Variants in TRIM36 observed in about 807,000 individuals in gnomAD.
The protein encoded by TRIM36 is tripartite motif containing 36, also known as E3 ubiquitin-protein ligase TRIM36.
A neutral mutation model predicts 72.4 loss-of-function variants in TRIM36; 42 were observed. The ratio of observed to expected loss-of-function variants is 0.58; its 90% confidence interval spans 0.45 to 0.75. TRIM36 has a LOEUF of 0.75. Ranked by LOEUF, TRIM36 falls within the 30% of genes least tolerant of loss-of-function variation. The pLI is 0.00. For missense variants in TRIM36, 913 were observed against 857.1 expected, an observed-to-expected ratio of 1.07 and a Z score of -0.81; for synonymous variants, 315 against 282.8, an observed-to-expected ratio of 1.11 and a Z score of -1.14.
At chr5:115,177,876 G>A (rs531169216) in intron 1 of TRIM36, 2 of 1,613,950 alleles carry the variant, frequency 1.2e-6, no homozygotes, top group East Asian at 2.2e-5. Context: ...CTGAAGCCTA[G>A]TGAAGAGAGA....
intron 1 of TRIM36, among the ~76,000 whole-genome samples, chr5:115,178,070 T>C (rs937119269): frequency 2.0e-5 from 3 of 152,204 alleles, no homozygotes; most frequent in Non-Finnish European, 4.4e-5. Context: ...TTCGTGTTCA[T>C]AGGACATCCA....
chr5:115,156,210 A>G (rs1223867952), intron 2 of TRIM36, among the ~76,000 whole-genome samples: 2 of 152,206 alleles, frequency 1.3e-5, no homozygotes, highest in African/African-American at 2.4e-5. Flanking sequence ...GATAGGTAGA[A>G]TCAATATTGT....
At chr5:115,142,568 T>C (rs557813247) in intron 4 of TRIM36, among the ~76,000 whole-genome samples, 1 of 152,168 alleles carries the variant, frequency 6.6e-6, no homozygotes, top group Admixed American at 6.5e-5. Context: ...CTCTCTGAGT[T>C]TTAATGCTCA....
At chr5:115,140,434 CA>C (rs1753215557) in intron 5 of TRIM36, among the ~76,000 whole-genome samples, 1 of 152,104 alleles carries the variant, frequency 6.6e-6, no homozygotes, top group African/African-American at 2.4e-5. Context: ...ACATAATACA[CA>C]AATGGAAAAA....
At chr5:115,159,587 T>A in intron 2 of TRIM36, 1 of 436,068 alleles carries the variant, frequency 2.3e-6, no homozygotes, top group East Asian at 7.3e-5. Flanking sequence ...ATTATTTAAT[T>A]TAAATCTAAC....
At chr5:115,143,224 A>G (rs1361579502) in intron 4 of TRIM36, among the ~76,000 whole-genome samples, 21 of 19,306 alleles carry the variant, frequency 1.1e-3, no homozygotes, top group African/African-American at 4.3e-3. Context: ...CAGCCAGACA[A>G]AAAAAAAAAA....
intron 2 of TRIM36, chr5:115,159,740 A>G (rs1251941287): frequency 2.3e-6 from 1 of 434,478 alleles, no homozygotes; most frequent in African/African-American, 2.1e-5. Context: ...CTTGTTAACA[A>G]AAGAGAAAGC....
At chr5:115,180,091 C>T (rs1755551039) in exon 1 of TRIM36, 2 of 1,548,444 alleles carry the variant, frequency 1.3e-6, no homozygotes, top group African/African-American at 1.4e-5. Context: ...TCGAATTTGT[C>T]CTTTCTTTTC....
At chr5:115,132,550 GAAAAAAA>G (rs11290682) in intron 8 of TRIM36, among the ~76,000 whole-genome samples, 1 of 110,860 alleles carries the variant, frequency 9.0e-6, no homozygotes, top group African/African-American at 3.8e-5. Context: ...CCTCCAAAAA[GAAAAAAA>G]AAAAAAAAAA....
At chr5:115,144,814 C>T (rs1753489893) in intron 3 of TRIM36, 70 bp from the exon 4 acceptor site, 9 of 1,492,244 alleles carry the variant, frequency 6.0e-6, no homozygotes, top group African/African-American at 1.4e-5. Context: ...TACCAAAATA[C>T]AAAGATTTGC....
intron 2 of TRIM36, among the ~76,000 whole-genome samples, chr5:115,161,387 C>T (rs1202645114): frequency 6.6e-6 from 1 of 152,152 alleles, no homozygotes; most frequent in African/African-American, 2.4e-5. Flanking sequence ...CTACCACCCA[C>T]AGCAGAAACA....
chr5:115,142,401 T>C (rs1454224587), intron 4 of TRIM36, among the ~76,000 whole-genome samples: 1 of 152,184 alleles, frequency 6.6e-6, no homozygotes, highest in African/African-American at 2.4e-5. Flanking sequence ...AGCAATAAGA[T>C]ACATTTGGCC....
intron 8 of TRIM36, among the ~76,000 whole-genome samples, chr5:115,133,223 T>G (rs992784156): frequency 6.6e-6 from 1 of 152,214 alleles, no homozygotes; most frequent in Non-Finnish European, 1.5e-5. Context: ...GACATCATAG[T>G]GAACATCAAC....
At chr5:115,170,038 C>G (rs1311376677), upstream of TRIM36, 1 of 978,306 alleles carries the variant, frequency 1.0e-6, no homozygotes, top group South Asian at 4.6e-5. Context: ...GCTGGTAGGC[C>G]GGGTGTCTGA....
chr5:115,129,863 A>G (rs1752555649), intron 9 of TRIM36, among the ~76,000 whole-genome samples: 1 of 152,168 alleles, frequency 6.6e-6, no homozygotes, highest in Non-Finnish European at 1.5e-5. Context: ...TGCATCAACA[A>G]CGTTTACTAG....
At position 115,153,197 on chromosome 5, in the gene TRIM36, A is replaced by G. The variant is rs112949880; in HGVS notation, c.263-5803T>C. Among the ~76,000 whole-genome samples, 538 of 152,318 alleles carry G rather than the reference A, an allele frequency of 3.5e-3. 3 individuals are homozygous for G. Among genetic ancestry groups the G allele is most frequent in the Non-Finnish European group, 6.0e-3 (406 of 68,026 alleles). The stretch of plus-strand genomic sequence containing the variant: ...TTAAGGTAAAGGGGTGGAAAAAGAC[A>G]TTTCATGTGAATGGACACCAAAAGC... On this transcript the variant is annotated intron_variant, in intron 2 of 9. Coordinates refer to ENST00000513154, the MANE Select transcript of TRIM36 (RefSeq NM_001300759.2).
chr5:115,126,939 G>A, intron 9 of TRIM36, 82 bp from the exon 10 acceptor site: 1 of 1,291,872 alleles, frequency 7.7e-7, no homozygotes, highest in East Asian at 2.4e-5. Flanking sequence ...AATATACATT[G>A]ATGTAAAGTT....
At chr5:115,128,315 G>C (rs112679920) in intron 9 of TRIM36, among the ~76,000 whole-genome samples, 10 of 149,372 alleles carry the variant, frequency 6.7e-5, no homozygotes, top group African/African-American at 2.5e-4. Context: ...GTTGTGGTGA[G>C]CCGAGTTCAT....
intron 1 of TRIM36, among the ~76,000 whole-genome samples, chr5:115,164,244 C>T (rs1754639925): frequency 1.3e-5 from 2 of 152,206 alleles, no homozygotes; most frequent in Non-Finnish European, 2.9e-5. Context: ...TATCTATTTA[C>T]AAGCTGAATT....
Sources: allele counts gnomAD v4.1 joint callset (sites outside exome capture counted in the v4.1 genomes callset), GRCh38; gene constraint gnomAD v4.1.1; transcripts MANE v1.5; gene names NCBI Gene and HGNC (gene_info 2026-07-23, HGNC 2026-07-21).